Variants in NLRP5 observed in about 807,000 individuals in gnomAD.
NLRP5 encodes NACHT, LRR and PYD domains-containing protein 5.
NLRP5 carries 93 observed loss-of-function variants against 113.1 expected under a neutral mutation model. The ratio of observed to expected loss-of-function variants is 0.82; its 90% CI spans 0.70 to 0.98. The LOEUF is 0.98. Among genes scored for constraint, NLRP5 ranks in the 50% least tolerant of loss-of-function variants. NLRP5 has a pLI of 0.00. For synonymous variants in NLRP5, 751 were observed against 600.7 expected, an observed-to-expected ratio of 1.25 and a Z score of -3.66; for missense variants, 1,808 against 1,514.3, an observed-to-expected ratio of 1.19 and a Z score of -3.22.
chr19:56,050,276 CAAA>C, intron 11 of NLRP5, 139 bp from the exon 12 acceptor site: 1 of 540,326 alleles, frequency 1.9e-6, no homozygotes, highest in East Asian at 3.7e-5. Flanking sequence ...CAAGACTCCT[CAAA>C]AAAAAAAAAG....
Position 56,050,532 on chromosome 19 carries a change from C to T in NLRP5, c.3072C>T (p.Gly1024=), listed in dbSNP as rs750778706. ...GCATGAACCCTGTGGAAGACAATGG[C>T]GTGAAGCTTCTGTGCGAGGTCATGA... Residue 1024 remains glycine, a synonymous_variant, in exon 12 of 15, where the codon GGC becomes GGT. Coordinates refer to ENST00000390649, the MANE Select transcript of NLRP5 (RefSeq NM_153447.4). The T allele has an allele frequency of 1.8e-5, 29 of 1,613,914 alleles. No individual in the cohort carries two copies. Among genetic ancestry groups the T allele is most frequent in the African/African-American group, 1.1e-4 (8 of 75,034 alleles).
At chr19:56,002,799 C>A (rs569784486) in intron 1 of NLRP5, among the ~76,000 whole-genome samples, 1 of 152,014 alleles carries the variant, frequency 6.6e-6, no homozygotes, top group South Asian at 2.1e-4. Context: ...ATGAACTCAT[C>A]CTTTTTTATG....
At chr19:55,991,827 GGA>G in the NLRP5 span, among the ~76,000 whole-genome samples, 16 of 152,232 alleles carry the variant, frequency 1.1e-4, no homozygotes, top group African/African-American at 3.1e-4. Context: ...TAAAGAATAG[GGA>G]GAGAGTACAA....
rs34956178 is a variant in NLRP5 at position 56,036,058 on chromosome 19, C to CTTTTTTTTTTT, written c.2616-1955_2616-1945dup. Among the ~76,000 whole-genome samples, 137 of 76,998 alleles carry CTTTTTTTTTTT rather than the reference C, an allele frequency of 1.8e-3. 16 individuals carry two copies. Among genetic ancestry groups the CTTTTTTTTTTT allele is most frequent in the African/African-American group, 7.6e-3 (134 of 17,608 alleles). 50.5% of individuals were successfully genotyped at this position (76,998 alleles called of 152,430 possible). A position where few individuals can be genotyped will look rare whatever the true frequency, so the allele number is the denominator to read the frequency against. On this transcript the variant is annotated intron_variant, in intron 9 of 14. Transcript: ENST00000390649. ...ACATGCTGATGAATGAATTGAGATTCTTTTTTTTTTTTTTTTTTTTTTGGA... is the reference window on the plus strand; with the variant it reads ...ACATGCTGATGAATGAATTGAGATTCTTTTTTTTTTTTTTTTTTTTTTTTTTTTTTTTTGGA...
intron 3 of NLRP5, among the ~76,000 whole-genome samples, chr19:56,012,596 T>G (rs1333820157): frequency 6.7e-6 from 1 of 149,886 alleles, no homozygotes; most frequent in Non-Finnish European, 1.5e-5. Context: ...AAAAAATCCT[T>G]CAGCAGAGAC....
At chr19:56,060,016 G>A (rs963515627) in intron 14 of NLRP5, among the ~76,000 whole-genome samples, 2 of 152,182 alleles carry the variant, frequency 1.3e-5, no homozygotes, top group Non-Finnish European at 2.9e-5. Context: ...GGATGAGGAA[G>A]GTGAATTGAG....
the NLRP5 span, among the ~76,000 whole-genome samples, chr19:55,991,753 T>C: frequency 6.6e-6 from 1 of 152,226 alleles, no homozygotes. Context: ...ACCTCCTCTT[T>C]ATCTGATTGC....
rs371646653 is a variant in NLRP5 at position 56,050,464 on chromosome 19, C to G, written c.3004C>G (p.Leu1002Val). 1 of 1,613,866 alleles carries G rather than the reference C, an allele frequency of 6.2e-7. No individual in the cohort carries two copies. Among genetic ancestry groups the G allele is most frequent in the East Asian group, 2.2e-5 (1 of 44,866 alleles). Residue 1002 changes from leucine to valine, a missense_variant, in exon 12 of 15, where the codon CTT (leucine) becomes GTT (valine). By Grantham distance (32) the Leu-to-Val change is conservative. Coordinates refer to ENST00000390649, the MANE Select transcript of NLRP5 (RefSeq NM_153447.4). ...CACGGCTGGCTGTGGTTTTCTTGCACTTGCGCTTATGGGTAACTCATGGCT... is the reference window on the plus strand; with the variant it reads ...CACGGCTGGCTGTGGTTTTCTTGCAGTTGCGCTTATGGGTAACTCATGGCT...
At chr19:56,026,425 G>C (rs535281647) in intron 6 of NLRP5, among the ~76,000 whole-genome samples, 8 of 149,022 alleles carry the variant, frequency 5.4e-5, no homozygotes, top group Non-Finnish European at 1.0e-4. Flanking sequence ...CTACTCAGGA[G>C]GTTGAGGCAG....
Position 56,006,844 on chromosome 19 carries a change from A to G in NLRP5, c.443-1944A>G, listed in dbSNP as rs1599878562. 5.3e-5 allele frequency among the ~76,000 whole-genome samples: 8 copies of G among 151,734 alleles called. 1 individual carries two copies. The South Asian group carries it at 1.7e-3, about 32-fold the overall frequency. On this transcript the variant is annotated intron_variant, in intron 2 of 14. Coordinates refer to ENST00000390649, the MANE Select transcript of NLRP5 (RefSeq NM_153447.4). ...AAGCTCCGCCTTCCGGGTTCATGCC[A>G]TTCTCCTGCTTCAGCCTCCTGAGTA...
At chr19:56,054,416 G>C (rs1984049572) in intron 13 of NLRP5, among the ~76,000 whole-genome samples, 1 of 152,092 alleles carries the variant, frequency 6.6e-6, no homozygotes, top group Non-Finnish European at 1.5e-5. Flanking sequence ...AAATTAGCCA[G>C]GTGTGGTGGC....
chr19:56,054,779 T>G (rs1472292485), intron 13 of NLRP5, among the ~76,000 whole-genome samples: 1 of 151,978 alleles, frequency 6.6e-6, no homozygotes, highest in Non-Finnish European at 1.5e-5. Context: ...TGAATTGGTA[T>G]GGGGTTTCCT....
intron 12 of NLRP5, among the ~76,000 whole-genome samples, chr19:56,052,115 T>C (rs1422793887): frequency 3.3e-5 from 5 of 152,198 alleles, no homozygotes; most frequent in African/African-American, 4.8e-5. Flanking sequence ...AATGACTAGG[T>C]CACCCCTACC....
chr19:56,038,243 A>T (rs1568496339), intron 10 of NLRP5, 48 bp downstream of exon 10: 9 of 1,557,112 alleles, frequency 5.8e-6, no homozygotes, highest in Non-Finnish European at 7.1e-6. Flanking sequence ...TTCCACCAGG[A>T]TTATCGTAAC....
chr19:56,037,452 T>TG (rs1983359037), intron 9 of NLRP5, among the ~76,000 whole-genome samples: 1 of 152,022 alleles, frequency 6.6e-6, no homozygotes, highest in African/African-American at 2.4e-5. Context: ...TCCAGTGCTT[T>TG]GGGAGGCCAA....
intron 3 of NLRP5, among the ~76,000 whole-genome samples, chr19:56,011,775 C>A (rs953647465): frequency 6.6e-6 from 1 of 150,718 alleles, no homozygotes; most frequent in Admixed American, 6.6e-5. Flanking sequence ...CTCACTGCAA[C>A]CTCTGCCTCC....
chr19:56,004,706 T>A (rs1040898219), intron 2 of NLRP5, among the ~76,000 whole-genome samples: 1 of 152,102 alleles, frequency 6.6e-6, no homozygotes, highest in African/African-American at 2.4e-5. Context: ...AGAAAGGTCA[T>A]TTAGAAAATA....
intron 3 of NLRP5, among the ~76,000 whole-genome samples, chr19:56,013,953 G>A (rs1982310088): frequency 6.6e-6 from 1 of 152,004 alleles, no homozygotes; most frequent in African/African-American, 2.4e-5. Flanking sequence ...TGTGTCTTTA[G>A]AGAAATGTAT....
the NLRP5 span, among the ~76,000 whole-genome samples, chr19:55,994,008 G>C: frequency 6.6e-6 from 1 of 150,902 alleles, no homozygotes; most frequent in Non-Finnish European, 1.5e-5. Context: ...TGGATCATAG[G>C]GTATTAATCT....
Sources: allele counts gnomAD v4.1 joint callset (sites outside exome capture counted in the v4.1 genomes callset), GRCh38; gene constraint gnomAD v4.1.1; transcripts MANE v1.5; gene names NCBI Gene and HGNC (gene_info 2026-07-23, HGNC 2026-07-21).